The following CCDC191 variants were observed in gnomAD, a reference collection of about 807,000 sequenced individuals.
The protein encoded by CCDC191 is coiled-coil domain containing 191, also known as coiled-coil domain-containing protein 191.
CCDC191 carries 99 observed loss-of-function variants against 114.0 expected under a neutral mutation model. The ratio of observed to expected loss-of-function variants is 0.87; its 90% CI spans 0.74 to 1.03. CCDC191 has a LOEUF of 1.03. Ranked by LOEUF, CCDC191 falls within the 50% of genes least tolerant of loss-of-function variation. The pLI, the probability that CCDC191 is intolerant of heterozygous loss-of-function variation, is 0.00. For missense variants in CCDC191, 973 were observed against 1,087.0 expected (o/e 0.90, Z 1.47); for synonymous variants, 351 against 376.0 (o/e 0.93, Z 0.77).
chr3:113,998,833 C>G (rs2075791310), intron 13 of CCDC191, among the ~76,000 whole-genome samples: 1 of 152,214 alleles, frequency 6.6e-6, no homozygotes, highest in Non-Finnish European at 1.5e-5. Flanking sequence ...TGTGGACTTA[C>G]AGATTCACCT....
chr3:113,978,274 T>TC lies in CCDC191; in HGVS notation c.2517dup (p.Lys840GlufsTer8). 6.2e-7 allele frequency: 1 copy of TC among 1,614,042 alleles called. No individual in the cohort carries two copies. The highest frequency in any genetic ancestry group is 1.1e-5 in the South Asian group (1 of 91,080). ...ATGTTAAACCAGGCCCTGAAAATCT[T>TC]CTTTTGAAGAAAATGTACACAAAAT... is the stretch of plus-strand genomic sequence containing the variant. On this transcript the variant is annotated frameshift_variant, in exon 16 of 17. Transcript: ENST00000295878. LOFTEE classifies it high-confidence loss of function.
intron 7 of CCDC191, among the ~76,000 whole-genome samples, chr3:114,024,283 T>C (rs1270136411): frequency 1.3e-5 from 2 of 152,190 alleles, no homozygotes; most frequent in African/African-American, 4.8e-5. Context: ...GTTGTGGAAG[T>C]CAGTGTGGCG....
chr3:113,994,821 A>T (rs998154835), intron 13 of CCDC191, among the ~76,000 whole-genome samples: 1 of 151,990 alleles, frequency 6.6e-6, no homozygotes, highest in Non-Finnish European at 1.5e-5. Context: ...GGCTCAAGAA[A>T]TCCTCCCATC....
At chr3:113,975,380 A>AT (rs1402918111) in intron 16 of CCDC191, among the ~76,000 whole-genome samples, 10 of 152,218 alleles carry the variant, frequency 6.6e-5, no homozygotes, top group African/African-American at 2.4e-4. Flanking sequence ...TTTCATTCAT[A>AT]TAAAATTGAA....
intron 4 of CCDC191, 58 bp from the exon 5 acceptor site, chr3:114,036,844 A>C: frequency 8.9e-7 from 1 of 1,128,488 alleles, no homozygotes; most frequent in East Asian, 2.8e-5. Context: ...TTTTAGTATT[A>C]TATTCATATT....
chr3:114,047,070 A>G, intron 2 of CCDC191: 1 of 961,048 alleles, frequency 1.0e-6, no homozygotes, highest in Non-Finnish European at 1.2e-6. Context: ...AAAAAATATT[A>G]TATTTTATTA....
At chr3:113,992,201 TC>T (rs773055079) in intron 13 of CCDC191, among the ~76,000 whole-genome samples, 1 of 151,970 alleles carries the variant, frequency 6.6e-6, no homozygotes, top group African/African-American at 2.4e-5. Context: ...AGGTCACCCC[TC>T]CCCCAAGGCA....
In CCDC191 at chr3:114,056,476, T is replaced by G. The variant is rs1256806993; in HGVS notation, c.-10A>C. 2 of 1,614,056 alleles carry G rather than the reference T, an allele frequency of 1.2e-6. No individual in the cohort carries two copies. The highest frequency in any genetic ancestry group is 1.7e-5 in the Admixed American group (1 of 60,020). Reference sequence around the variant, plus strand: ...GAGGCGCCAGGAGCATTTTCCAAGTTCGAGCCCGAACCTCGGCCAAAGCTG... The same window carrying G: ...GAGGCGCCAGGAGCATTTTCCAAGTGCGAGCCCGAACCTCGGCCAAAGCTG... On this transcript the variant is annotated 5_prime_UTR_variant, in exon 1 of 17. Transcript: ENST00000295878.
intron 7 of CCDC191, among the ~76,000 whole-genome samples, chr3:114,028,018 G>A (rs1018778678): frequency 6.6e-5 from 10 of 152,122 alleles, no homozygotes; most frequent in African/African-American, 1.9e-4. Context: ...GTAAGAGCCC[G>A]AGGAGGCTGG....
chr3:114,004,784 A>C, intron 10 of CCDC191, 38 bp from the exon 11 acceptor site: 1 of 1,589,100 alleles, frequency 6.3e-7, no homozygotes, highest in South Asian at 1.1e-5. Context: ...TAGACTACTA[A>C]CCAGTTTCCT....
chr3:113,973,970 C>T (rs565492746), intron 16 of CCDC191, among the ~76,000 whole-genome samples: 1 of 150,344 alleles, frequency 6.7e-6, no homozygotes, highest in African/African-American at 2.4e-5. Flanking sequence ...GTCTTCATTC[C>T]TTTTCTTTTT....
chr3:114,056,460 G>A lies in CCDC191; in HGVS notation c.7C>T (p.Leu3=), dbSNP rs747254332. 11 of 1,614,054 alleles carry A rather than the reference G, an allele frequency of 6.8e-6. 1 individual carries two copies. The highest frequency in any genetic ancestry group is 6.6e-5 in the South Asian group (6 of 91,088). ML[L]APQGRSFSKK... The stretch of plus-strand genomic sequence containing the variant: ...GAGAAGGACCTTCCCTGAGGCGCCA[G>A]GAGCATTTTCCAAGTTCGAGCCCGA... The change falls in exon 1 of 17, where the codon CTG becomes TTG. Residue 3 remains leucine (L), a synonymous_variant. Coordinates refer to ENST00000295878, the MANE Select transcript of CCDC191 (RefSeq NM_020817.2).
intron 13 of CCDC191, among the ~76,000 whole-genome samples, chr3:113,992,521 G>A (rs1313243682): frequency 6.6e-6 from 1 of 151,962 alleles, no homozygotes; most frequent in Non-Finnish European, 1.5e-5. Context: ...ATCTAACAAA[G>A]AAAAACCCAG....
At chr3:113,998,369 T>C (rs2075779691) in intron 13 of CCDC191, among the ~76,000 whole-genome samples, 1 of 144,744 alleles carries the variant, frequency 6.9e-6, no homozygotes, top group African/African-American at 2.6e-5. Flanking sequence ...CTTCAAGAGG[T>C]ATTCAAGAAG....
At chr3:114,009,672 T>C (rs2076034291) in intron 9 of CCDC191, among the ~76,000 whole-genome samples, 2 of 152,148 alleles carry the variant, frequency 1.3e-5, no homozygotes, top group South Asian at 4.1e-4. Flanking sequence ...TTAACCTTAC[T>C]AGTAATCAAA....
intron 13 of CCDC191, among the ~76,000 whole-genome samples, chr3:113,993,525 G>A (rs1191221981): frequency 6.6e-6 from 1 of 152,074 alleles, no homozygotes; most frequent in East Asian, 1.9e-4. Context: ...AATGATACTG[G>A]AACAACTGAA....
intron 7 of CCDC191, among the ~76,000 whole-genome samples, chr3:114,022,251 GA>G (rs769412937): frequency 3.9e-5 from 6 of 152,130 alleles, no homozygotes; most frequent in Non-Finnish European, 7.4e-5. Context: ...CTGTTAGCCA[GA>G]AAAGCTCTTC....
intron 3 of CCDC191, among the ~76,000 whole-genome samples, 170 bp from the exon 4 acceptor site, chr3:114,043,016 T>A (rs1577472310): frequency 6.6e-6 from 1 of 152,250 alleles, no homozygotes; most frequent in African/African-American, 2.4e-5. Context: ...CCTAGCATCA[T>A]GAAACTTACA....
Position 113,965,318 on chromosome 3 carries a change from A to C in CCDC191, c.2648T>G (p.Val883Gly). Reference protein sequence around the residue: ...WITLRTWKKFVKFMKEERVKE... With the variant: ...WITLRTWKKFGKFMKEERVKE... ...TACTCTTTCCTCTTTCATAAATTTT[A>C]CAAACTTCTTCCATGTCCGAAGGGT... Residue 883 changes from valine (V) to glycine (G), a missense_variant, in exon 17 of 17, where the codon GTA becomes GGA. By Grantham distance (109) the Val-to-Gly change is moderately radical (BLOSUM62 -3). Coordinates refer to ENST00000295878, the MANE Select transcript of CCDC191 (RefSeq NM_020817.2). 1.2e-6 allele frequency: 2 copies of C among 1,610,360 alleles called. No homozygotes were observed. The highest frequency in any genetic ancestry group is 1.7e-6 in the Non-Finnish European group (2 of 1,178,408).
Sources: gnomAD v4.1 joint callset for allele counts (sites outside exome capture counted in the v4.1 genomes callset) on GRCh38, gnomAD v4.1.1 for gene constraint, MANE v1.5 for transcripts, NCBI Gene and HGNC (gene_info 2026-07-23, HGNC 2026-07-21) for gene names.